Variants in BTG4 observed in about 807,000 individuals in gnomAD.
The protein encoded by BTG4 is protein BTG4.
A neutral mutation model predicts 19.3 loss-of-function variants in BTG4; 10 were observed. The observed-to-expected ratio is 0.52, with a 90% CI of 0.32 to 0.88. The LOEUF is 0.88. Among genes scored for constraint, BTG4 ranks in the 40% least tolerant of loss-of-function variants. BTG4 has a pLI of 0.04. For missense variants in BTG4, 238 were observed against 281.9 expected (o/e 0.84, Z 1.11); for synonymous variants, 91 against 95.7 (o/e 0.95, Z 0.29).
At chr11:111,446,491 G>C in the BTG4 span, among the ~76,000 whole-genome samples, 1 of 152,142 alleles carries the variant, frequency 6.6e-6, no homozygotes, top group Non-Finnish European at 1.5e-5. Flanking sequence ...CCATACTGTT[G>C]AATCAGAATC....
downstream of BTG4, chr11:111,466,871 C>A (rs554423856): frequency 6.5e-6 from 1 of 152,704 alleles, no homozygotes; most frequent in Non-Finnish European, 1.5e-5. Context: ...TCCTGCACCT[C>A]CTTATCCCCC....
At chr11:111,447,689 C>T in the BTG4 span, among the ~76,000 whole-genome samples, 11 of 152,116 alleles carry the variant, frequency 7.2e-5, no homozygotes, top group Non-Finnish European at 1.3e-4. Context: ...GGAAGGTTCC[C>T]GGAAGACAGG....
At chr11:111,481,326 G>C (rs1164160782) in intron 5 of BTG4, among the ~76,000 whole-genome samples, 1 of 151,726 alleles carries the variant, frequency 6.6e-6, no homozygotes, top group Non-Finnish European at 1.5e-5. Context: ...TCCAGGCCCA[G>C]ATAGCTTCAT....
At chr11:111,436,188 T>C in the BTG4 span, among the ~76,000 whole-genome samples, 1 of 152,200 alleles carries the variant, frequency 6.6e-6, no homozygotes, top group African/African-American at 2.4e-5. Flanking sequence ...CAATCCGTCT[T>C]ACTCTTCATT....
At chr11:111,492,553 T>G (rs1865486389), downstream of BTG4, among the ~76,000 whole-genome samples, 1 of 152,184 alleles carries the variant, frequency 6.6e-6, no homozygotes, top group Non-Finnish European at 1.5e-5. Context: ...AGGCAAGCAT[T>G]TAATCGCCAA....
the BTG4 span, chr11:111,417,572 C>A: frequency 3.3e-5 from 5 of 152,230 alleles, no homozygotes; most frequent in African/African-American, 1.2e-4. Flanking sequence ...ACAGCATGAA[C>A]TGCCCCTAAT....
chr11:111,402,281 A>G, the BTG4 span, among the ~76,000 whole-genome samples: 2 of 152,190 alleles, frequency 1.3e-5, no homozygotes, highest in African/African-American at 2.4e-5. Context: ...CTGTGAGTCA[A>G]TTAAACATCT....
At chr11:111,399,340 A>G in the BTG4 span, 1 of 152,028 alleles carries the variant, frequency 6.6e-6, no homozygotes, top group Non-Finnish European at 1.5e-5. Flanking sequence ...CTCTTCCCCG[A>G]CCTCCTGTAA....
the BTG4 span, among the ~76,000 whole-genome samples, chr11:111,437,333 C>A: frequency 6.6e-6 from 1 of 152,148 alleles, no homozygotes; most frequent in Non-Finnish European, 1.5e-5. Context: ...GTGCTCAGAA[C>A]TCCTCAGCAA....
At chr11:111,442,096 A>G in the BTG4 span, among the ~76,000 whole-genome samples, 1 of 152,106 alleles carries the variant, frequency 6.6e-6, no homozygotes, top group South Asian at 2.1e-4. Context: ...GTTGAACATA[A>G]GAGACCAGAG....
intron 1 of BTG4, among the ~76,000 whole-genome samples, chr11:111,506,163 A>T (rs519850): frequency 0.51 from 77,654 of 152,024 alleles, 22,642 homozygotes; most frequent in South Asian, 0.72. Flanking sequence ...TATCAAAAAG[A>T]TACTTGTACT....
the BTG4 span, among the ~76,000 whole-genome samples, chr11:111,412,700 T>A: frequency 6.6e-6 from 1 of 152,038 alleles, no homozygotes; most frequent in East Asian, 1.9e-4. Flanking sequence ...GAAAACAGAA[T>A]CCCAAAGAGG....
chr11:111,446,369 T>G, the BTG4 span, among the ~76,000 whole-genome samples: 1 of 152,140 alleles, frequency 6.6e-6, no homozygotes, highest in Non-Finnish European at 1.5e-5. Context: ...AAAAGCGTGG[T>G]GCATATCAAA....
chr11:111,506,949 A>G (rs1302942746), intron 1 of BTG4, among the ~76,000 whole-genome samples: 2 of 152,132 alleles, frequency 1.3e-5, no homozygotes, highest in Non-Finnish European at 2.9e-5. Context: ...CAGAAAGGAC[A>G]ATGTGAACTT....
chr11:111,497,743 T>G (rs1865823790), intron 3 of BTG4, among the ~76,000 whole-genome samples: 1 of 152,232 alleles, frequency 6.6e-6, no homozygotes, highest in Non-Finnish European at 1.5e-5. Flanking sequence ...CTGTTACCAA[T>G]CTATAGTTTG....
chr11:111,464,997 T>A (rs1205455202), downstream of BTG4, among the ~76,000 whole-genome samples: 18 of 151,662 alleles, frequency 1.2e-4, no homozygotes, highest in Admixed American at 1.2e-3. Context: ...GGAGCTAATG[T>A]AAAGGTGTGA....
chr11:111,500,191 T>C (rs922739178), intron 1 of BTG4, among the ~76,000 whole-genome samples: 7 of 152,130 alleles, frequency 4.6e-5, no homozygotes, highest in African/African-American at 4.8e-5. Flanking sequence ...TTGGACCTTA[T>C]TTCAGATCTG....
At chr11:111,403,311 C>T in the BTG4 span, among the ~76,000 whole-genome samples, 1 of 152,222 alleles carries the variant, frequency 6.6e-6, no homozygotes, top group South Asian at 2.1e-4. Context: ...CAACCTCAAA[C>T]ACTTCTGTTG....
chr11:111,512,518 C>G (rs935243113), upstream of BTG4, among the ~76,000 whole-genome samples: 5 of 151,964 alleles, frequency 3.3e-5, no homozygotes, highest in Non-Finnish European at 5.9e-5. Context: ...CGCACGGGGT[C>G]GAGAGAGCCA....
Sources: gnomAD v4.1 joint callset for allele counts (sites outside exome capture counted in the v4.1 genomes callset) on GRCh38, gnomAD v4.1.1 for gene constraint, MANE v1.5 for transcripts, NCBI Gene and HGNC (gene_info 2026-07-23, HGNC 2026-07-21) for gene names.